ANKS1B: variants seen among roughly 807,000 people sequenced by gnomAD.
ANKS1B encodes ankyrin repeat and sterile alpha motif domain-containing protein 1B.
Under a neutral mutation model 148.3 loss-of-function variants are expected in ANKS1B, and 36 were observed. That is an observed-to-expected ratio of 0.24 (90% CI 0.19 to 0.32). The LOEUF is 0.32. Ranked by LOEUF, ANKS1B falls within the 10% of genes least tolerant of loss-of-function variation. The pLI is 1.00. For missense variants in ANKS1B, 1,157 were observed against 1,542.6 expected (o/e 0.75, Z 4.19); for synonymous variants, 542 against 560.8 (o/e 0.97, Z 0.47).
intron 8 of ANKS1B, among the ~76,000 whole-genome samples, chr12:99,669,939 G>T (rs1002484397): frequency 7.2e-5 from 11 of 152,012 alleles, no homozygotes; most frequent in Admixed American, 7.2e-4. Context: ...TGCCTCCTTT[G>T]TATCTTTTCT....
intron 14 of ANKS1B, among the ~76,000 whole-genome samples, chr12:99,177,005 G>C (rs2078481300): frequency 6.6e-6 from 1 of 152,176 alleles, no homozygotes. Flanking sequence ...TTCTGCATAT[G>C]AGAGGAGGTC....
intron 1 of ANKS1B, among the ~76,000 whole-genome samples, chr12:99,945,815 G>A (rs1229435498): frequency 6.6e-6 from 1 of 152,190 alleles, no homozygotes; most frequent in Non-Finnish European, 1.5e-5. Context: ...TGGGAGGAGA[G>A]AGAGTAGACA....
intron 17 of ANKS1B, chr12:98,895,064 G>A (rs1237065636): frequency 5.2e-6 from 5 of 953,540 alleles, no homozygotes; most frequent in African/African-American, 1.8e-5. Context: ...CCATTGTTCC[G>A]CGGCTGCTGC....
At chr12:98,878,227 T>C (rs1020854569) in intron 17 of ANKS1B, among the ~76,000 whole-genome samples, 13 of 146,136 alleles carry the variant, frequency 8.9e-5, no homozygotes, top group South Asian at 2.1e-4. Context: ...TTATGAAAGA[T>C]GAAAAAAAAA....
At chr12:98,788,325 T>C (rs1178541994) in intron 22 of ANKS1B, among the ~76,000 whole-genome samples, 1 of 151,940 alleles carries the variant, frequency 6.6e-6, no homozygotes, top group Non-Finnish European at 1.5e-5. Context: ...AGGTCTTCGT[T>C]TCTGCAAAGC....
At chr12:99,290,817 T>C (rs2079860564) in intron 12 of ANKS1B, among the ~76,000 whole-genome samples, 1 of 152,046 alleles carries the variant, frequency 6.6e-6, no homozygotes, top group Admixed American at 6.6e-5. Context: ...GCTAGTATAA[T>C]ACTTAATGGG....
At chr12:99,904,516 A>G (rs2093713295) in intron 1 of ANKS1B, among the ~76,000 whole-genome samples, 2 of 152,106 alleles carry the variant, frequency 1.3e-5, no homozygotes, top group African/African-American at 2.4e-5. Flanking sequence ...GAAATCACAC[A>G]CAGTACATTA....
intron 12 of ANKS1B, among the ~76,000 whole-genome samples, chr12:99,391,783 C>G (rs2094080807): frequency 6.6e-6 from 1 of 152,146 alleles, no homozygotes; most frequent in African/African-American, 2.4e-5. Context: ...TTGCCTTCTA[C>G]CTGATGTGCA....
At chr12:99,554,526 G>T (rs1015144467) in intron 9 of ANKS1B, among the ~76,000 whole-genome samples, 1 of 152,104 alleles carries the variant, frequency 6.6e-6, no homozygotes, top group African/African-American at 2.4e-5. Context: ...TCCCAAAGCA[G>T]TATTTCCCTG....
At chr12:98,818,234 C>T (rs2099158079) in intron 19 of ANKS1B, among the ~76,000 whole-genome samples, 1 of 141,870 alleles carries the variant, frequency 7.0e-6, no homozygotes, top group African/African-American at 2.6e-5. Context: ...CCTTCCTTAA[C>T]TCTAATTCTG....
At chr12:99,929,375 T>C (rs994580410) in intron 1 of ANKS1B, among the ~76,000 whole-genome samples, 1 of 152,074 alleles carries the variant, frequency 6.6e-6, no homozygotes, top group African/African-American at 2.4e-5. Context: ...TTGTTTGAGT[T>C]CATTGTAGAT....
At chr12:99,257,319 A>C (rs902807955) in intron 12 of ANKS1B, among the ~76,000 whole-genome samples, 1 of 151,870 alleles carries the variant, frequency 6.6e-6, no homozygotes, top group Non-Finnish European at 1.5e-5. Context: ...ATATCTCTTC[A>C]TACCTTCCAA....
chr12:99,396,423 T>C (rs538259114), intron 12 of ANKS1B, among the ~76,000 whole-genome samples: 8 of 152,214 alleles, frequency 5.3e-5, no homozygotes, highest in Non-Finnish European at 1.0e-4. Flanking sequence ...AAGCAAATTG[T>C]GCTTTCACAT....
At chr12:99,238,319 C>T (rs1223353701) in intron 14 of ANKS1B, among the ~76,000 whole-genome samples, 1 of 152,210 alleles carries the variant, frequency 6.6e-6, no homozygotes, top group African/African-American at 2.4e-5. Flanking sequence ...CTGAGATCAA[C>T]ATGCAATGCT....
intron 1 of ANKS1B, among the ~76,000 whole-genome samples, chr12:99,907,115 C>G (rs1233770017): frequency 1.3e-5 from 2 of 152,170 alleles, no homozygotes; most frequent in Non-Finnish European, 2.9e-5. Context: ...AGAAAATACT[C>G]ATGATGGCTC....
intron 12 of ANKS1B, among the ~76,000 whole-genome samples, chr12:99,319,049 G>T (rs1018911606): frequency 6.6e-6 from 1 of 152,046 alleles, no homozygotes; most frequent in South Asian, 2.1e-4. Context: ...TTTGTTATAA[G>T]TTCTCTGTTC....
chr12:98,940,080 A>G (rs1258349180), intron 17 of ANKS1B, among the ~76,000 whole-genome samples: 1 of 152,202 alleles, frequency 6.6e-6, no homozygotes, highest in Non-Finnish European at 1.5e-5. Flanking sequence ...ACTGCAGCTG[A>G]GTTCAGGCCC....
intron 17 of ANKS1B, among the ~76,000 whole-genome samples, chr12:98,902,638 G>GT (rs1596562250): frequency 6.6e-6 from 1 of 152,288 alleles, no homozygotes; most frequent in East Asian, 1.9e-4. Context: ...ATATTTACTG[G>GT]TTGTAGACCC....
At chr12:99,123,019 T>A (rs1252489937) in intron 15 of ANKS1B, among the ~76,000 whole-genome samples, 3 of 137,404 alleles carry the variant, frequency 2.2e-5, no homozygotes, top group Non-Finnish European at 3.2e-5. Flanking sequence ...TATATAAACA[T>A]GTATATAAAC....
Sources: allele counts gnomAD v4.1 joint callset (sites outside exome capture counted in the v4.1 genomes callset), GRCh38; gene constraint gnomAD v4.1.1; transcripts MANE v1.5; gene names NCBI Gene and HGNC (gene_info 2026-07-23, HGNC 2026-07-21).